The following GABRB1 variants were observed in gnomAD, a reference collection of about 807,000 sequenced individuals.
The protein encoded by GABRB1 is gamma-aminobutyric acid receptor subunit beta-1.
Under a neutral mutation model 51.6 loss-of-function variants are expected in GABRB1, and 17 were observed. The ratio of observed to expected loss-of-function variants is 0.33; its 90% CI spans 0.23 to 0.49. GABRB1 has a LOEUF of 0.49. Ranked by LOEUF, GABRB1 falls within the 20% of genes least tolerant of loss-of-function variation. The probability of loss-of-function intolerance (pLI) is 0.99; values close to 1 mark genes in which losing one functional copy is unlikely to be tolerated. For missense variants in GABRB1, 410 were observed against 600.6 expected (o/e 0.68, Z 3.32); for synonymous variants, 247 against 218.9 (o/e 1.13, Z -1.14).
intron 4 of GABRB1, among the ~76,000 whole-genome samples, chr4:47,234,634 T>C (rs1721259073): frequency 6.6e-6 from 1 of 152,196 alleles, no homozygotes; most frequent in Non-Finnish European, 1.5e-5. Context: ...TTTGTAAGAT[T>C]TTATTGATGG....
intron 4 of GABRB1, among the ~76,000 whole-genome samples, chr4:47,298,328 T>C (rs1025205846): frequency 6.6e-6 from 1 of 152,208 alleles, no homozygotes; most frequent in East Asian, 1.9e-4. Flanking sequence ...TGATTGTGTA[T>C]CTAGAAAACC....
intron 4 of GABRB1, among the ~76,000 whole-genome samples, chr4:47,268,539 G>A (rs547276705): frequency 1.3e-5 from 2 of 152,186 alleles, no homozygotes; most frequent in Admixed American, 6.5e-5. Flanking sequence ...TTTGTAGAAG[G>A]TAAGAGTATC....
At chr4:47,247,782 T>C (rs1430508470) in intron 4 of GABRB1, among the ~76,000 whole-genome samples, 2 of 151,964 alleles carry the variant, frequency 1.3e-5, no homozygotes, top group East Asian at 3.9e-4. Flanking sequence ...TTGCAGCTGT[T>C]GGAAAAGGAG....
intron 4 of GABRB1, among the ~76,000 whole-genome samples, chr4:47,261,334 G>C (rs1267909168): frequency 6.6e-6 from 1 of 152,156 alleles, no homozygotes; most frequent in Non-Finnish European, 1.5e-5. Context: ...AACCTGATAA[G>C]CAACTCCAGC....
chr4:47,054,504 A>G (rs1214187624), intron 3 of GABRB1, among the ~76,000 whole-genome samples: 2 of 152,188 alleles, frequency 1.3e-5, no homozygotes, highest in African/African-American at 4.8e-5. Context: ...TCAATGGGTA[A>G]TGCCTGCCTG....
chr4:47,406,104 AC>A (rs1198837296), intron 7 of GABRB1, among the ~76,000 whole-genome samples: 2 of 150,756 alleles, frequency 1.3e-5, no homozygotes, highest in Non-Finnish European at 3.0e-5. Context: ...AGCACTTGAT[AC>A]AAATTATGAC....
rs981454587 is a variant in GABRB1 at position 47,039,804 on chromosome 4, T to A, written c.240+7320T>A. Among the ~76,000 whole-genome samples, 8 of 152,174 alleles carry A rather than the reference T, an allele frequency of 5.3e-5. No individual in the cohort carries two copies. In the South Asian group the frequency reaches 6.2e-4, roughly 12 times the overall value. ...AAGTGTTCTGGGAACTACAGATAAT[T>A]CCTATTGCGAAAACTTAAAAGGCAC... On this transcript the variant is annotated intron_variant, in intron 3 of 8. Coordinates refer to ENST00000295454, the MANE Select transcript of GABRB1 (RefSeq NM_000812.4).
chr4:47,025,355 C>T (rs1725058352), intron 1 of GABRB1, among the ~76,000 whole-genome samples: 1 of 151,876 alleles, frequency 6.6e-6, no homozygotes, highest in Non-Finnish European at 1.5e-5. Flanking sequence ...AGTTTACATT[C>T]CCACCAGCAG....
intron 4 of GABRB1, among the ~76,000 whole-genome samples, chr4:47,213,267 G>A (rs148496112): frequency 5.2e-4 from 79 of 152,250 alleles, no homozygotes; most frequent in African/African-American, 1.6e-3. Flanking sequence ...AGCCAGACAA[G>A]CTGCTATTGC....
At chr4:47,097,468 C>T (rs1714502752) in intron 3 of GABRB1, among the ~76,000 whole-genome samples, 1 of 151,490 alleles carries the variant, frequency 6.6e-6, no homozygotes, top group African/African-American at 2.4e-5. Context: ...ACCCCCCATT[C>T]CCGTCCTCAG....
rs1329329009 is a variant in GABRB1, at chr4:47,354,930, T to C, written c.544+34721T>C. Among the ~76,000 whole-genome samples, 9 of 146,740 alleles carry C rather than the reference T, an allele frequency of 6.1e-5. No individual in the cohort carries two copies. The East Asian group carries it at 1.8e-3, about 29-fold the overall frequency. On this transcript the variant is annotated intron_variant, in intron 5 of 8. Coordinates refer to ENST00000295454, the MANE Select transcript of GABRB1 (RefSeq NM_000812.4). ...CTGCCTGCCTGCCTGCCTGCCTGCC[T>C]GCCTGCCTGCCTTCCTTTCTCTCTC...
Position 47,002,787 on chromosome 4 carries a change from G to A in GABRB1, c.-20+8861G>A, listed in dbSNP as rs543035217. On this transcript the variant is annotated intron_variant, in intron 1 of 3. Transcript: ENST00000513567. Reference sequence around the variant, plus strand: ...TATTTGGTCCTCAAAAGACTATGAAGCCAGACTGCTCTTCATTACCATCTG... The same window carrying A: ...TATTTGGTCCTCAAAAGACTATGAAACCAGACTGCTCTTCATTACCATCTG... Among the ~76,000 whole-genome samples the A allele has an allele frequency of 3.2e-4, 48 of 152,270 alleles. No individual in the cohort carries two copies. In the South Asian group the frequency reaches 9.7e-3, roughly 31 times the overall value.
intron 3 of GABRB1, among the ~76,000 whole-genome samples, chr4:47,051,415 G>C (rs752358711): frequency 4.6e-5 from 7 of 152,174 alleles, no homozygotes; most frequent in Admixed American, 6.5e-5. Flanking sequence ...CTAGACAAGA[G>C]GTTGAAGTTC....
chr4:47,208,437 G>T (rs1720224555), intron 4 of GABRB1, among the ~76,000 whole-genome samples: 1 of 151,904 alleles, frequency 6.6e-6, no homozygotes, highest in Non-Finnish European at 1.5e-5. Context: ...TAACATTGTG[G>T]ATGTAAATAA....
chr4:47,370,386 C>T (rs1469573452), intron 5 of GABRB1, among the ~76,000 whole-genome samples: 2 of 151,576 alleles, frequency 1.3e-5, no homozygotes, highest in East Asian at 1.9e-4. Flanking sequence ...ACTCGGGAGG[C>T]TGAAGCAGGA....
At chr4:47,273,714 T>G (rs1270493040) in intron 4 of GABRB1, among the ~76,000 whole-genome samples, 1 of 151,452 alleles carries the variant, frequency 6.6e-6, no homozygotes, top group Non-Finnish European at 1.5e-5. Flanking sequence ...GAAAAGAGAG[T>G]CACACAATTG....
At chr4:47,148,094 T>C (rs1201593774) in intron 3 of GABRB1, among the ~76,000 whole-genome samples, 1 of 151,926 alleles carries the variant, frequency 6.6e-6, no homozygotes, top group African/African-American at 2.4e-5. Flanking sequence ...AGGTGAGAAG[T>C]GATAAAGACC....
intron 3 of GABRB1, among the ~76,000 whole-genome samples, chr4:47,056,035 T>A (rs1010574637): frequency 2.6e-5 from 4 of 152,186 alleles, no homozygotes; most frequent in African/African-American, 9.7e-5. Context: ...TTAAGTATCT[T>A]CTATGGAAAT....
At chr4:47,184,096 T>C (rs1719067724) in intron 4 of GABRB1, among the ~76,000 whole-genome samples, 1 of 151,900 alleles carries the variant, frequency 6.6e-6, no homozygotes, top group South Asian at 2.1e-4. Context: ...TTTTACCACC[T>C]CTAAAGGCTA....
Sources: allele counts gnomAD v4.1 joint callset (sites outside exome capture counted in the v4.1 genomes callset), GRCh38; gene constraint gnomAD v4.1.1; transcripts MANE v1.5; gene names NCBI Gene and HGNC (gene_info 2026-07-23, HGNC 2026-07-21).